Variants in DENND4A observed in about 807,000 individuals in gnomAD.
The protein encoded by DENND4A is C-myc promoter-binding protein.
In DENND4A, 70 loss-of-function variants were observed where a neutral mutation model predicts 199.3. The observed-to-expected ratio is 0.35, with a 90% CI of 0.29 to 0.43. DENND4A has a LOEUF of 0.43. Ranked by LOEUF, DENND4A falls within the 20% of genes least tolerant of loss-of-function variation. The probability of loss-of-function intolerance (pLI) is 1.00; values close to 1 mark genes in which losing one functional copy is unlikely to be tolerated. For missense variants in DENND4A, 1,723 were observed against 2,255.8 expected, an observed-to-expected ratio of 0.76 and a Z score of 4.78; for synonymous variants, 686 against 766.9, an observed-to-expected ratio of 0.89 and a Z score of 1.74.
chr15:65,723,397 C>T (rs944066726), intron 11 of DENND4A, among the ~76,000 whole-genome samples: 17 of 152,108 alleles, frequency 1.1e-4, no homozygotes, highest in Middle Eastern at 3.4e-3. Context: ...CAAAATACTT[C>T]GGTATATTTA....
At chr15:65,695,940 A>G (rs1356725278) in intron 22 of DENND4A, among the ~76,000 whole-genome samples, 1 of 152,084 alleles carries the variant, frequency 6.6e-6, no homozygotes. Context: ...AGACCGTGAA[A>G]AGAAAAATTA....
chr15:65,667,446 T>C lies in DENND4A; in HGVS notation c.5241+3A>G. On this transcript the variant is annotated splice_donor_region_variant and intron_variant, in intron 29 of 32. Coordinates refer to ENST00000443035, the MANE Select transcript of DENND4A (RefSeq NM_001320835.1). ...CATTGCCTTTTAATTTTTAGTCTCA[T>C]ACCTTTGAATACTTGTTACAGTGCT... 1.9e-6 allele frequency: 3 copies of C among 1,613,478 alleles called. No individual in the cohort carries two copies. The highest frequency in any genetic ancestry group is 2.5e-6 in the Non-Finnish European group (3 of 1,179,604).
chr15:65,787,760 C>T (rs1279420066), intron 1 of DENND4A, among the ~76,000 whole-genome samples: 1 of 152,192 alleles, frequency 6.6e-6, no homozygotes, highest in Non-Finnish European at 1.5e-5. Context: ...GCAGAGTACA[C>T]AATATGTACT....
chr15:65,679,057 G>A (rs901579388), intron 23 of DENND4A, among the ~76,000 whole-genome samples: 1 of 151,874 alleles, frequency 6.6e-6, no homozygotes, highest in African/African-American at 2.4e-5. Context: ...GGGTGGCACA[G>A]GTGTTCAGCA....
rs1341043143 is a variant in DENND4A at position 65,746,377 on chromosome 15, T to C, written c.562-4593A>G. ...CAATTCTACTTTTTTCTCTTTTTTT[T>C]TTTTTTTTTTTTTTTTTTTTTTTTT... On this transcript the variant is annotated intron_variant, in intron 4 of 32. Transcript: ENST00000443035. Among the ~76,000 whole-genome samples the C allele has an allele frequency of 3.5e-3, 259 of 73,498 alleles. 3 individuals are homozygous for C. Among genetic ancestry groups the C allele is most frequent in the African/African-American group, 0.013 (248 of 18,392 alleles). The allele number at this position is 73,498 out of a possible 152,430, so 48.2% of individuals were successfully genotyped here.
At chr15:65,664,924 C>G in intron 30 of DENND4A, 1 of 511,972 alleles carries the variant, frequency 2.0e-6, no homozygotes, top group South Asian at 3.7e-5. Flanking sequence ...TTTCTGTGGT[C>G]TTAAATAGAC....
intron 14 of DENND4A, among the ~76,000 whole-genome samples, chr15:65,714,843 T>C (rs917107235): frequency 1.3e-5 from 2 of 152,164 alleles, no homozygotes; most frequent in African/African-American, 2.4e-5. Context: ...AATACTCTCC[T>C]TACCTGGCTT....
In DENND4A at chr15:65,746,365, T is replaced by TTCTCTC. The variant is rs1567070832; in HGVS notation, c.562-4582_562-4581insGAGAGA. Among the ~76,000 whole-genome samples the TTCTCTC allele has an allele frequency of 6.0e-4, 83 of 138,184 alleles. 1 individual carries two copies. Among genetic ancestry groups the TTCTCTC allele is most frequent in the African/African-American group, 2.3e-3 (80 of 34,300 alleles). The allele number at this position is 138,184 out of a possible 152,430, so 90.7% of individuals were successfully genotyped here. On this transcript the variant is annotated intron_variant, in intron 4 of 32. Transcript: ENST00000443035. ...TTCCCTTGTTAACAATTCTACTTTT[T>TTCTCTC]TCTCTTTTTTTTTTTTTTTTTTTTT... is the stretch of plus-strand genomic sequence containing the variant.
chr15:65,760,609 C>G lies in DENND4A; in HGVS notation c.-23+751G>C, dbSNP rs907019510. 2.0e-5 allele frequency among the ~76,000 whole-genome samples: 3 copies of G among 152,042 alleles called. No homozygotes were observed. In the East Asian group the frequency reaches 5.8e-4, roughly 29 times the overall value. On this transcript the variant is annotated intron_variant, in intron 2 of 32. Coordinates refer to ENST00000443035, the MANE Select transcript of DENND4A (RefSeq NM_001320835.1). ...GCTACGTAGAAAGAAGGGTAAGAGG[C>G]CGGGCAGAGTGGCTCATGCCTATAA...
intron 3 of DENND4A, among the ~76,000 whole-genome samples, chr15:65,752,927 ATT>A (rs1390003257): frequency 6.6e-6 from 1 of 152,198 alleles, no homozygotes; most frequent in African/African-American, 2.4e-5. Flanking sequence ...TTATTAATTT[ATT>A]TTTTGTCTCT....
At chr15:65,701,349 T>C (rs1231969687) in intron 18 of DENND4A, among the ~76,000 whole-genome samples, 157 bp from the exon 19 acceptor site, 1 of 152,134 alleles carries the variant, frequency 6.6e-6, no homozygotes, top group African/African-American at 2.4e-5. Context: ...GGTGGATCAC[T>C]TGAGCCCAGG....
intron 5 of DENND4A, among the ~76,000 whole-genome samples, chr15:65,739,980 A>G (rs2076212666): frequency 6.6e-6 from 1 of 152,154 alleles, no homozygotes; most frequent in African/African-American, 2.4e-5. Context: ...CAGGAGTTCA[A>G]GACCAGCCTG....
intron 23 of DENND4A, 92 bp downstream of exon 23, chr15:65,690,323 T>C: frequency 1.5e-6 from 2 of 1,355,784 alleles, no homozygotes; most frequent in Non-Finnish European, 2.0e-6. Context: ...TAAAGCTATG[T>C]TTAGAAGAAT....
At chr15:65,694,261 C>T (rs1336300452) in intron 22 of DENND4A, among the ~76,000 whole-genome samples, 6 of 152,140 alleles carry the variant, frequency 3.9e-5, no homozygotes, top group Non-Finnish European at 7.4e-5. Context: ...CCAGCTTGGC[C>T]AACATGGTGA....
intron 4 of DENND4A, 117 bp from the exon 5 acceptor site, chr15:65,741,901 C>A: frequency 1.5e-6 from 1 of 654,846 alleles, no homozygotes; most frequent in South Asian, 2.9e-5. Flanking sequence ...AAATTTCCCT[C>A]TGCTAGCTAT....
Position 65,722,829 on chromosome 15 carries a change from A to G in DENND4A, c.1588+19T>C, listed in dbSNP as rs1446669034. ...TTTTTCAGATTAAATTACCTCCTTT[A>G]ATTAAGTTATCCACTTACATTTTGC... On this transcript the variant is annotated intron_variant, in intron 12 of 32. Transcript: ENST00000443035. The G allele has an allele frequency of 3.9e-6, 6 of 1,554,756 alleles. No homozygotes were observed. The highest frequency in any genetic ancestry group is 5.2e-6 in the Non-Finnish European group (6 of 1,148,566).
At chr15:65,729,722 A>C in intron 9 of DENND4A, 44 bp from the exon 10 acceptor site, 1 of 1,513,184 alleles carries the variant, frequency 6.6e-7, no homozygotes, top group Non-Finnish European at 8.9e-7. Context: ...ATAATGATCC[A>C]AACACCTCAT....
At chr15:65,692,973 A>C (rs941833082) in intron 22 of DENND4A, among the ~76,000 whole-genome samples, 5 of 152,172 alleles carry the variant, frequency 3.3e-5, no homozygotes, top group Non-Finnish European at 5.9e-5. Context: ...AATGGTTTCT[A>C]CATTTGCAAA....
intron 20 of DENND4A, among the ~76,000 whole-genome samples, chr15:65,700,335 CCT>C (rs2074820999): frequency 6.6e-6 from 1 of 151,824 alleles, no homozygotes; most frequent in African/African-American, 2.4e-5. Context: ...TGATTTATAA[CCT>C]CTCTTAAAAC....
Sources: allele counts gnomAD v4.1 joint callset (sites outside exome capture counted in the v4.1 genomes callset), GRCh38; gene constraint gnomAD v4.1.1; transcripts MANE v1.5; gene names NCBI Gene and HGNC (gene_info 2026-07-23, HGNC 2026-07-21).